DPY19L1: variants seen among roughly 807,000 people sequenced by gnomAD.
DPY19L1 encodes dpy-19 like C-mannosyltransferase 1, also known as protein C-mannosyl-transferase DPY19L1.
DPY19L1 carries 35 observed loss-of-function variants against 96.9 expected under a neutral mutation model. The ratio of observed to expected loss-of-function variants is 0.36; its 90% CI spans 0.28 to 0.48. The LOEUF is 0.48. Ranked by LOEUF, DPY19L1 falls within the 20% of genes least tolerant of loss-of-function variation. The pLI is 0.99. For synonymous variants in DPY19L1, 205 were observed against 252.6 expected (o/e 0.81, Z 1.79); for missense variants, 521 against 777.9 (o/e 0.67, Z 3.93).
In DPY19L1 at chr7:34,973,578, G is replaced by T; in HGVS notation, c.850C>A (p.Leu284Ile). ...ECTRVMWTPPLRESFSYPFLV... is the reference protein window; with the variant it reads ...ECTRVMWTPPIRESFSYPFLV... ...AATGGATATGAGAAGCTTTCACGGA[G>T]AGGTGGTGTCCACATTACACGGGTA... is the stretch of plus-strand genomic sequence containing the variant. Residue 284 changes from leucine to isoleucine, a missense_variant, in exon 8 of 22, where the codon CTC becomes ATC. Physicochemically the swap from Leu to Ile is conservative, Grantham distance 5. Coordinates refer to ENST00000638088, the MANE Select transcript of DPY19L1 (RefSeq NM_001366673.1). 1 of 1,532,264 alleles carries T rather than the reference G, an allele frequency of 6.5e-7. No individual in the cohort carries two copies. Among genetic ancestry groups the T allele is most frequent in the South Asian group, 1.4e-5 (1 of 73,628 alleles). 94.9% of individuals were successfully genotyped at this position (1,532,264 alleles called of 1,614,324 possible).
At chr7:34,990,685 T>C (rs1486543020) in intron 6 of DPY19L1, among the ~76,000 whole-genome samples, 2 of 152,240 alleles carry the variant, frequency 1.3e-5, no homozygotes, top group Non-Finnish European at 2.9e-5. Flanking sequence ...TGTTCCCTAT[T>C]GTCCCCCAAG....
Position 34,958,068 on chromosome 7 carries a change from A to T in DPY19L1, c.1095T>A (p.Ile365=). 6.4e-7 allele frequency: 1 copy of T among 1,567,878 alleles called. No individual in the cohort carries two copies. The highest frequency in any genetic ancestry group is 8.6e-7 in the Non-Finnish European group (1 of 1,165,802). Residue 365 remains isoleucine, a splice_region_variant and synonymous_variant, in exon 11 of 22, where the codon ATT becomes ATA. Transcript: ENST00000638088. ...TCAAAACAAAACAAAGTGCAAGAGA[A>T]ATCTGGAAAAATCCAAGAAAAAAAT... The part of the protein sequence containing the change: ...KLRKIIYIHM[I]SLALCFVLMF...
intron 3 of DPY19L1, among the ~76,000 whole-genome samples, chr7:35,014,510 C>T (rs572386633): frequency 7.4e-4 from 112 of 152,194 alleles, no homozygotes; most frequent in African/African-American, 2.4e-3. Context: ...TTCAGTTTTC[C>T]CTGGAGCTGC....
Position 34,936,079 on chromosome 7 carries a change from T to A in DPY19L1, c.2090+1915A>T, listed in dbSNP as rs142881115. On this transcript the variant is annotated intron_variant, in intron 21 of 21. Transcript: ENST00000638088. Reference sequence around the variant, plus strand: ...TGTGACAGACACAATAAATGGCAAGTCAAGGTCCAGATGGGGAAATCCAGC... The same window carrying A: ...TGTGACAGACACAATAAATGGCAAGACAAGGTCCAGATGGGGAAATCCAGC... Among the ~76,000 whole-genome samples, 969 of 152,328 alleles carry A rather than the reference T, an allele frequency of 6.4e-3. 10 individuals carry two copies. The highest frequency in any genetic ancestry group is 0.011 in the Non-Finnish European group (740 of 68,032).
chr7:34,950,262 A>C (rs1401172018), intron 13 of DPY19L1, among the ~76,000 whole-genome samples: 1 of 152,220 alleles, frequency 6.6e-6, no homozygotes, highest in Non-Finnish European at 1.5e-5. Context: ...TTTAATCATA[A>C]AAGCACAAAG....
intron 6 of DPY19L1, among the ~76,000 whole-genome samples, chr7:35,008,547 G>C (rs1785621271): frequency 6.6e-6 from 1 of 152,186 alleles, no homozygotes; most frequent in Non-Finnish European, 1.5e-5. Context: ...TAAAAAAGTA[G>C]CCAGGCATGG....
intron 15 of DPY19L1, among the ~76,000 whole-genome samples, chr7:34,946,686 C>CTGA (rs1359654527): frequency 6.6e-6 from 1 of 152,342 alleles, no homozygotes; most frequent in East Asian, 1.9e-4. Flanking sequence ...GAGTACACAG[C>CTGA]TGAATACCAG....
At chr7:35,010,074 A>G in intron 6 of DPY19L1, among the ~76,000 whole-genome samples, 1 of 152,006 alleles carries the variant, frequency 6.6e-6, no homozygotes, top group East Asian at 1.9e-4. Context: ...CAAAAAATAC[A>G]AAAAAATTAG....
At chr7:35,006,729 C>T (rs767924096) in intron 6 of DPY19L1, among the ~76,000 whole-genome samples, 11 of 152,204 alleles carry the variant, frequency 7.2e-5, no homozygotes, top group African/African-American at 9.7e-5. Flanking sequence ...CACTTCATCT[C>T]CTCAAGTTAG....
chr7:35,013,325 C>T (rs1012982232), intron 4 of DPY19L1, among the ~76,000 whole-genome samples: 1 of 152,114 alleles, frequency 6.6e-6, no homozygotes, highest in Non-Finnish European at 1.5e-5. Flanking sequence ...TGTAAGCACA[C>T]CAAATCTAGT....
Position 35,016,424 on chromosome 7 carries a change from T to C in DPY19L1, c.411+1458A>G, listed in dbSNP as rs79140405. Among the ~76,000 whole-genome samples the C allele has an allele frequency of 8.2e-3, 1,250 of 152,268 alleles. 21 individuals are homozygous for C. Among genetic ancestry groups the C allele is most frequent in the African/African-American group, 0.029 (1,197 of 41,546 alleles). On this transcript the variant is annotated intron_variant, in intron 3 of 21. Coordinates refer to ENST00000638088, the MANE Select transcript of DPY19L1 (RefSeq NM_001366673.1). ...ACTCATTTTTCTGAATATTAGTAAA[T>C]AAAAAGAAAGAATAAAGCATCTTTC... is the stretch of plus-strand genomic sequence containing the variant.
At chr7:34,988,564 C>T (rs1229752747) in intron 7 of DPY19L1, among the ~76,000 whole-genome samples, 3 of 152,014 alleles carry the variant, frequency 2.0e-5, no homozygotes, top group Non-Finnish European at 4.4e-5. Context: ...ATTAGTAACT[C>T]GCTGACTAAA....
intron 10 of DPY19L1, among the ~76,000 whole-genome samples, chr7:34,963,370 G>C (rs975965262): frequency 9.9e-5 from 15 of 152,086 alleles, no homozygotes; most frequent in African/African-American, 3.6e-4. Flanking sequence ...ATAGAACCTC[G>C]TGCACTGTTT....
chr7:34,963,697 CGT>C (rs145986243), intron 10 of DPY19L1, among the ~76,000 whole-genome samples: 1 of 150,278 alleles, frequency 6.7e-6, no homozygotes, highest in African/African-American at 2.5e-5. Context: ...TAAGCAGAAT[CGT>C]GTGTGTGTGT....
intron 7 of DPY19L1, among the ~76,000 whole-genome samples, chr7:34,980,202 G>T (rs1562814900): frequency 6.6e-6 from 1 of 152,192 alleles, no homozygotes; most frequent in African/African-American, 2.4e-5. Context: ...CATCCTATTT[G>T]GGGTGGGGTA....
rs141796785 is a variant in DPY19L1, at chr7:34,962,433, T to C, written c.1093-4363A>G. 5.8e-3 allele frequency among the ~76,000 whole-genome samples: 889 copies of C among 152,134 alleles called. 9 individuals are homozygous for C. The highest frequency in any genetic ancestry group is 0.02 in the African/African-American group (827 of 41,508). The stretch of plus-strand genomic sequence containing the variant: ...ACAGTAAAAAGATCAGCGGCTGCCA[T>C]GGGTTAGGGGGAAGGAGGGATGAAT... On this transcript the variant is annotated intron_variant, in intron 10 of 21. Transcript: ENST00000638088.
intron 9 of DPY19L1, among the ~76,000 whole-genome samples, chr7:34,967,633 T>G (rs1161260268): frequency 6.6e-6 from 1 of 152,218 alleles, no homozygotes; most frequent in Non-Finnish European, 1.5e-5. Flanking sequence ...GTATAGTATC[T>G]ATTACATAGA....
chr7:34,975,896 C>T (rs1784820753), intron 7 of DPY19L1, among the ~76,000 whole-genome samples: 1 of 152,182 alleles, frequency 6.6e-6, no homozygotes, highest in African/African-American at 2.4e-5. Flanking sequence ...ATTCTTGAGA[C>T]CTACTGCTCA....
chr7:34,930,602 C>G lies in DPY19L1; in HGVS notation c.*971G>C, dbSNP rs751280802. ...GTAAAAGAAAAATTACCATGTACTA[C>G]AGTCTACTGTTCCACTATAAATGAT... On this transcript the variant is annotated 3_prime_UTR_variant, in exon 22 of 22. Coordinates refer to ENST00000638088, the MANE Select transcript of DPY19L1 (RefSeq NM_001366673.1). 2.0e-5 allele frequency: 3 copies of G among 152,110 alleles called. No individual in the cohort carries two copies. Among genetic ancestry groups the G allele is most frequent in the Admixed American group, 6.5e-5 (1 of 15,278 alleles). The allele number at this position is 152,110 out of a possible 1,614,324, so 9.4% of individuals were successfully genotyped here.
Sources: gnomAD v4.1 joint callset for allele counts (sites outside exome capture counted in the v4.1 genomes callset) on GRCh38, gnomAD v4.1.1 for gene constraint, MANE v1.5 for transcripts, NCBI Gene and HGNC (gene_info 2026-07-23, HGNC 2026-07-21) for gene names.